ITGB6: variants seen among roughly 807,000 people sequenced by gnomAD.
The protein encoded by ITGB6 is integrin subunit beta 6.
Under a neutral mutation model 84.5 loss-of-function variants are expected in ITGB6, and 80 were observed. That is an observed-to-expected ratio of 0.95 (90% CI 0.79 to 1.14). ITGB6 has a LOEUF of 1.14. Among genes scored for constraint, ITGB6 ranks in the 50% most tolerant of loss-of-function variants. The pLI, the probability that ITGB6 is intolerant of heterozygous loss-of-function variation, is 0.00. For missense variants in ITGB6, 1,006 were observed against 968.0 expected, an observed-to-expected ratio of 1.04 and a Z score of -0.52; for synonymous variants, 383 against 354.9, an observed-to-expected ratio of 1.08 and a Z score of -0.89.
chr2:160,119,221 CA>C (rs1240308297), intron 12 of ITGB6, among the ~76,000 whole-genome samples: 3 of 152,112 alleles, frequency 2.0e-5, no homozygotes, highest in South Asian at 2.1e-4. Context: ...AATCCTAAGC[CA>C]AAAGAACAAA....
chr2:160,147,047 G>A (rs1278119264), intron 7 of ITGB6, among the ~76,000 whole-genome samples: 4 of 147,098 alleles, frequency 2.7e-5, no homozygotes, highest in Non-Finnish European at 5.9e-5. Context: ...TGCAGCCACT[G>A]CATTCCAGCC....
chr2:160,149,984 G>A (rs1200393463), intron 7 of ITGB6, among the ~76,000 whole-genome samples: 4 of 152,192 alleles, frequency 2.6e-5, no homozygotes, highest in Admixed American at 2.0e-4. Flanking sequence ...TGTCTGATTG[G>A]TGTACCTGAA....
intron 7 of ITGB6, among the ~76,000 whole-genome samples, chr2:160,150,709 C>T (rs954997938): frequency 3.9e-5 from 6 of 152,106 alleles, no homozygotes; most frequent in Non-Finnish European, 7.3e-5. Flanking sequence ...TCAGGAGACA[C>T]ATTTCACGTG....
chr2:160,133,533 C>G (rs1406601644), intron 10 of ITGB6, among the ~76,000 whole-genome samples: 1 of 152,156 alleles, frequency 6.6e-6, no homozygotes, highest in Non-Finnish European at 1.5e-5. Context: ...AGGAATTGAA[C>G]TCAGCTCTGC....
chr2:160,140,494 T>C (rs1683958828), intron 8 of ITGB6, among the ~76,000 whole-genome samples: 1 of 152,192 alleles, frequency 6.6e-6, no homozygotes, highest in Non-Finnish European at 1.5e-5. Context: ...TCCGATGATG[T>C]TAGTGGCCAA....
At chr2:160,102,407 CCTCTGG>C (rs1300375477) in intron 14 of ITGB6, among the ~76,000 whole-genome samples, 1 of 152,208 alleles carries the variant, frequency 6.6e-6, no homozygotes, top group African/African-American at 2.4e-5. Context: ...GAGGAACCAT[CCTCTGG>C]ACAGCTAACA....
chr2:160,157,852 T>C (rs1044812107), intron 7 of ITGB6, among the ~76,000 whole-genome samples: 2 of 151,620 alleles, frequency 1.3e-5, no homozygotes, highest in Non-Finnish European at 1.5e-5. Flanking sequence ...TATGGAGCCA[T>C]GTGCTTCTTC....
At chr2:160,195,272 C>T (rs942284368) in intron 4 of ITGB6, 97 bp downstream of exon 4, 1 of 1,480,636 alleles carries the variant, frequency 6.8e-7, no homozygotes, top group African/African-American at 1.4e-5. Flanking sequence ...GGCAGAAATG[C>T]CAGGGAGTTA....
chr2:160,109,778 A>G (rs142308271), intron 13 of ITGB6, among the ~76,000 whole-genome samples: 3 of 152,344 alleles, frequency 2.0e-5, no homozygotes, highest in Admixed American at 6.5e-5. Flanking sequence ...GGTCCTGAGT[A>G]TCTAACTGTG....
chr2:160,175,473 G>C (rs1002940757), intron 4 of ITGB6, among the ~76,000 whole-genome samples: 1 of 152,164 alleles, frequency 6.6e-6, no homozygotes, highest in Non-Finnish European at 1.5e-5. Flanking sequence ...GTGGTGCTCT[G>C]CCTTCTTATT....
intron 4 of ITGB6, among the ~76,000 whole-genome samples, chr2:160,185,452 C>T (rs1685856910): frequency 6.6e-6 from 1 of 152,154 alleles, no homozygotes; most frequent in African/African-American, 2.4e-5. Context: ...AACTACAAAC[C>T]ACTGCTCAAG....
chr2:160,166,908 A>G (rs1317202378), intron 7 of ITGB6, among the ~76,000 whole-genome samples: 1 of 152,204 alleles, frequency 6.6e-6, no homozygotes, highest in African/African-American at 2.4e-5. Flanking sequence ...TACCACAGTT[A>G]CTAAAAAAAA....
At chr2:160,168,313 C>A (rs953913172) in intron 7 of ITGB6, among the ~76,000 whole-genome samples, 1 of 152,164 alleles carries the variant, frequency 6.6e-6, no homozygotes, top group Non-Finnish European at 1.5e-5. Context: ...GTGACATAAT[C>A]TCAGAGTTTC....
intron 12 of ITGB6, among the ~76,000 whole-genome samples, chr2:160,122,971 C>T (rs1273465771): frequency 6.6e-6 from 1 of 152,202 alleles, no homozygotes; most frequent in African/African-American, 2.4e-5. Context: ...CAATTCTACC[C>T]TGAGCTGCAT....
At position 160,199,234 on chromosome 2, in the gene ITGB6, T is replaced by C. The variant is rs1455056622; in HGVS notation, c.86A>G (p.Glu29Gly). The C allele has an allele frequency of 6.2e-7, 1 of 1,614,108 alleles. No individual in the cohort carries two copies. The highest frequency in any genetic ancestry group is 8.5e-7 in the Non-Finnish European group (1 of 1,179,976). The change falls in exon 2 of 15, where the codon GAA becomes GGA. Residue 29 changes from glutamate to glycine, a missense_variant. Glu to Gly is a moderately conservative substitution (Grantham distance 98). Coordinates refer to ENST00000283249, the MANE Select transcript of ITGB6 (RefSeq NM_000888.5). ...AATAAGCAGGCAGTCTTCACAGGTT[T>C]CTGCACCTCCCAGGGCACAGCCACC... is the stretch of plus-strand genomic sequence containing the variant. Reference protein sequence around the residue: ...VQGGCALGGAETCEDCLLIGP... With the variant: ...VQGGCALGGAGTCEDCLLIGP...
At chr2:160,195,947 C>T (rs1197012120) in intron 3 of ITGB6, among the ~76,000 whole-genome samples, 2 of 152,128 alleles carry the variant, frequency 1.3e-5, no homozygotes, top group Non-Finnish European at 2.9e-5. Context: ...CATTACAACC[C>T]TTGAAGAAAT....
intron 4 of ITGB6, among the ~76,000 whole-genome samples, chr2:160,187,995 G>A (rs547246599): frequency 1.3e-5 from 2 of 152,122 alleles, no homozygotes; most frequent in Non-Finnish European, 2.9e-5. Context: ...ATTAACATTT[G>A]TTTTGAATGT....
intron 7 of ITGB6, among the ~76,000 whole-genome samples, chr2:160,142,556 A>T (rs899589490): frequency 6.6e-6 from 1 of 152,194 alleles, no homozygotes; most frequent in African/African-American, 2.4e-5. Flanking sequence ...GTGGAGAAAG[A>T]GAGTGAATTA....
intron 4 of ITGB6, among the ~76,000 whole-genome samples, chr2:160,178,688 C>CTTT (rs746675372): frequency 6.9e-4 from 72 of 103,730 alleles, no homozygotes; most frequent in African/African-American, 1.9e-3. Context: ...CTCTCTCTCT[C>CTTT]TTTTTTTTTT....
Sources: allele counts gnomAD v4.1 joint callset (sites outside exome capture counted in the v4.1 genomes callset), GRCh38; gene constraint gnomAD v4.1.1; transcripts MANE v1.5; gene names NCBI Gene and HGNC (gene_info 2026-07-23, HGNC 2026-07-21).